The following HELZ2 variants were observed in gnomAD, a reference collection of about 807,000 sequenced individuals.
The protein encoded by HELZ2 is 3'-5' exoribonuclease HELZ2.
A neutral mutation model predicts 208.8 loss-of-function variants in HELZ2; 143 were observed. The ratio of observed to expected loss-of-function variants is 0.68; its 90% CI spans 0.60 to 0.79. HELZ2 has a LOEUF of 0.79. Among genes scored for constraint, HELZ2 ranks in the 30% least tolerant of loss-of-function variants. The pLI is 0.00. For synonymous variants in HELZ2, 1,705 were observed against 1,693.7 expected, an observed-to-expected ratio of 1.01 and a Z score of -0.16; for missense variants, 3,690 against 3,794.5, an observed-to-expected ratio of 0.97 and a Z score of 0.72.
downstream of HELZ2, chr20:63,559,020 C>T (rs2082845968): frequency 1.4e-5 from 7 of 488,728 alleles, no homozygotes; most frequent in South Asian, 3.0e-5. Context: ...CCCCTCTTGG[C>T]CACCCTGAGA....
chr20:63,565,183 CG>C lies in HELZ2; in HGVS notation c.3638del (p.Pro1213ArgfsTer11). 1 of 1,604,678 alleles carries C rather than the reference CG, an allele frequency of 6.2e-7. No individual in the cohort carries two copies. Among genetic ancestry groups the C allele is most frequent in the Non-Finnish European group, 8.5e-7 (1 of 1,176,326 alleles). ...AGCCATTGATGGGGACCATGATGCG[CG>C]GGTCCCACGTGTCCATGCGGCACAC... On this transcript the variant is annotated frameshift_variant, in exon 8 of 19. Coordinates refer to ENST00000467148, the Ensembl canonical transcript of HELZ2. LOFTEE classifies it high-confidence loss of function.
chr20:63,563,371 G>A (rs773710992), exon 8 of HELZ2: 2 of 1,537,248 alleles, frequency 1.3e-6, no homozygotes, highest in South Asian at 2.4e-5. Flanking sequence ...GGGTGTGTGG[G>A]TCCGGCACAG....
exon 8 of HELZ2, chr20:63,564,485 G>A: frequency 6.3e-7 from 1 of 1,585,982 alleles, no homozygotes; most frequent in Non-Finnish European, 8.6e-7. Context: ...CACGGAGGGT[G>A]CAAAGCGCAG....
exon 5 of HELZ2, chr20:63,568,811 G>C: frequency 6.2e-7 from 1 of 1,612,190 alleles, no homozygotes; most frequent in Non-Finnish European, 8.5e-7. Context: ...CGTATTGTCG[G>C]GTGCAGGTAC....
chr20:63,559,209 C>T (rs913537344), exon 19 of HELZ2: 9 of 1,486,178 alleles, frequency 6.1e-6, no homozygotes, highest in Admixed American at 2.2e-5. Flanking sequence ...TGGACTTTCC[C>T]TCCCAGTCCT....
exon 8 of HELZ2, chr20:63,565,004 C>T (rs1341373290): frequency 3.1e-6 from 5 of 1,593,198 alleles, no homozygotes; most frequent in African/African-American, 2.7e-5. Context: ...GAAGCCTTGC[C>T]GCCACAGGAC....
In HELZ2 at chr20:63,567,002, C is replaced by G. The variant is rs754261815; in HGVS notation, c.2356G>C (p.Ala786Pro). 3.8e-5 allele frequency: 61 copies of G among 1,610,856 alleles called. No individual in the cohort carries two copies. In the Admixed American group the frequency reaches 1.0e-3, roughly 27 times the overall value. Residue 786 changes from alanine to proline, a missense_variant, in exon 6 of 19, where the codon GCG becomes CCG. Physicochemically the swap from Ala to Pro is conservative, Grantham distance 27. Transcript: ENST00000467148. ...GACATGTCCCGGTCTGGGCTGCCCG[C>G]CACGTGGCAGAACATGAGCGGGTAG... is the stretch of plus-strand genomic sequence containing the variant.
rs929482557 is a variant in HELZ2, at chr20:63,559,360, G to C, written c.7836C>G (p.Leu2612=). The C allele has an allele frequency of 3.1e-6, 5 of 1,597,400 alleles. No individual in the cohort carries two copies. The South Asian group carries it at 5.6e-5, about 18-fold the overall frequency. Reference sequence around the variant, plus strand: ...GCCAGAGGGGGCAGCAGCGCAGAAGGAGGTGGTCTCCTGTGAGGGTGGGAG... The same window carrying C: ...GCCAGAGGGGGCAGCAGCGCAGAAGCAGGTGGTCTCCTGTGAGGGTGGGAG... The change falls in exon 19 of 19, where the codon CTC becomes CTG. Residue 2612 remains leucine (L), a synonymous_variant. Transcript: ENST00000467148.
At chr20:63,572,136 C>G in exon 1 of HELZ2, 1 of 1,611,416 alleles carries the variant, frequency 6.2e-7, no homozygotes, top group Non-Finnish European at 8.5e-7. Flanking sequence ...TTGGAGAGTC[C>G]CGGGGGTGGG....
At chr20:63,560,975 G>C in intron 14 of HELZ2, 46 bp from the exon 16 acceptor site, 2 of 1,603,236 alleles carry the variant, frequency 1.2e-6, no homozygotes, top group Non-Finnish European at 1.7e-6. Context: ...AGACCCAGAG[G>C]GACCCCAGCC....
chr20:63,563,085 G>A, exon 8 of HELZ2: 1 of 1,598,466 alleles, frequency 6.3e-7, no homozygotes, highest in Non-Finnish European at 8.5e-7. Flanking sequence ...ACGTGCTCCA[G>A]GCAGAGGCTG....
chr20:63,562,708 G>A (rs2082902430), exon 8 of HELZ2: 1 of 1,600,232 alleles, frequency 6.2e-7, no homozygotes, highest in Non-Finnish European at 8.5e-7. Context: ...AGGTATACGT[G>A]CCGGGGTCAA....
At chr20:63,572,307 C>A in exon 1 of HELZ2, 2 of 1,586,796 alleles carry the variant, frequency 1.3e-6, no homozygotes, top group Non-Finnish European at 8.6e-7. Flanking sequence ...GCCGTGCGCC[C>A]GTCGCCATCA....
exon 8 of HELZ2, chr20:63,562,841 A>T (rs2082904279): frequency 6.2e-7 from 1 of 1,609,726 alleles, no homozygotes; most frequent in South Asian, 1.1e-5. Flanking sequence ...GTTCTCCTCG[A>T]GGAAGGCGGC....
intron 1 of HELZ2, 51 bp downstream of exon 2, chr20:63,572,056 GC>G: frequency 6.5e-7 from 1 of 1,535,724 alleles, no homozygotes; most frequent in Non-Finnish European, 8.8e-7. Flanking sequence ...CTCTGGTTCT[GC>G]CTATGGTGGG....
chr20:63,559,099 A>G, downstream of HELZ2: 1 of 888,258 alleles, frequency 1.1e-6, no homozygotes, highest in Non-Finnish European at 1.7e-6. Context: ...TTCCTCCTCC[A>G]AGTCCACCCA....
chr20:63,568,086 C>G (rs1250087145), intron 5 of HELZ2: 5 of 563,540 alleles, frequency 8.9e-6, no homozygotes, highest in Non-Finnish European at 1.6e-5. Context: ...AGACTCATCC[C>G]CAGAAGTCCT....
At position 63,572,095 on chromosome 20, in the gene HELZ2, C is replaced by T. The variant is rs1176726225; in HGVS notation, c.278+13G>A. 8.8e-6 allele frequency: 14 copies of T among 1,598,620 alleles called. No homozygotes were observed. Among genetic ancestry groups the T allele is most frequent in the Middle Eastern group, 3.5e-4 (2 of 5,642 alleles). On this transcript the variant is annotated intron_variant, in intron 1 of 18. Transcript: ENST00000467148. ...CCTGCCCTACTCCAAGCTCCTGCCT[C>T]GAGTATCCTTACTTTGGGCAGAGCT...
At chr20:63,562,379 G>C (rs776560037) in exon 9 of HELZ2, 1 of 1,582,674 alleles carries the variant, frequency 6.3e-7, no homozygotes, top group South Asian at 1.1e-5. Flanking sequence ...CTTCCTCCTT[G>C]CGGCTGGGGG....
Sources: gnomAD v4.1 joint callset for allele counts on GRCh38, gnomAD v4.1.1 for gene constraint, MANE v1.5 for transcripts, NCBI Gene and HGNC (gene_info 2026-07-23, HGNC 2026-07-21) for gene names.